The following ACSM3 variants were observed in gnomAD, a reference collection of about 807,000 sequenced individuals.
ACSM3 encodes the protein acyl-coenzyme A synthetase ACSM3, mitochondrial.
ACSM3 carries 61 observed loss-of-function variants against 74.1 expected under a neutral mutation model. The ratio of observed to expected loss-of-function variants is 0.82; its 90% confidence interval spans 0.67 to 1.02. The LOEUF (loss-of-function observed/expected upper bound fraction) is 1.02. ACSM3 is among the 50% of genes least tolerant of loss of function. The pLI is 0.00. For missense variants in ACSM3, 660 were observed against 697.0 expected (o/e 0.95, Z 0.60); for synonymous variants, 213 against 241.5 (o/e 0.88, Z 1.09).
chr16:20,789,418 C>T, intron 9 of ACSM3: 1 of 1,213,472 alleles, frequency 8.2e-7, no homozygotes, highest in South Asian at 1.2e-5. Context: ...TACTGGTAGA[C>T]ACTTCAGGGA....
intron 1 of ACSM3, chr16:20,690,983 G>A (rs377043225): frequency 4.2e-5 from 68 of 1,604,198 alleles, no homozygotes; most frequent in East Asian, 2.0e-4. Context: ...TCGCCATCAC[G>A]GCAGATCTCT....
intron 2 of ACSM3, among the ~76,000 whole-genome samples, chr16:20,770,716 G>A (rs1186229534): frequency 1.3e-5 from 2 of 152,198 alleles, no homozygotes; most frequent in South Asian, 4.1e-4. Context: ...CCAACGTCTA[G>A]AAATAAGGAC....
chr16:20,768,116 G>T (rs1339380125), intron 1 of ACSM3, among the ~76,000 whole-genome samples: 3 of 152,184 alleles, frequency 2.0e-5, no homozygotes, highest in Non-Finnish European at 2.9e-5. Context: ...CTAGTAGAGA[G>T]TAATATGCTT....
chr16:20,696,048 G>A (rs535732760), intron 1 of ACSM3, among the ~76,000 whole-genome samples: 9 of 151,970 alleles, frequency 5.9e-5, no homozygotes, highest in Non-Finnish European at 1.3e-4. Context: ...ACTTACCATC[G>A]TGTCATGACT....
At chr16:20,718,356 C>T (rs1219477611) in intron 1 of ACSM3, 9 of 940,108 alleles carry the variant, frequency 9.6e-6, no homozygotes, top group African/African-American at 1.7e-5. Context: ...GCAGATCCGC[C>T]TCTGAAGAGC....
chr16:20,702,293 A>C (rs567279836), intron 1 of ACSM3, among the ~76,000 whole-genome samples: 1 of 151,982 alleles, frequency 6.6e-6, no homozygotes, highest in East Asian at 1.9e-4. Context: ...ACTCACTGCA[A>C]CCTCCACCTC....
At chr16:20,741,478 C>CCGGGGGGGGGGGGG in intron 1 of ACSM3, 2 of 1,336,918 alleles carry the variant, frequency 1.5e-6, no homozygotes, top group Non-Finnish European at 1.9e-6. Context: ...GGCCTGGCAG[C>CCGGGGGGGGGGGGG]CGGCCCGCCC....
At chr16:20,784,118 T>C (rs2080416545) in intron 7 of ACSM3, among the ~76,000 whole-genome samples, 1 of 152,178 alleles carries the variant, frequency 6.6e-6, no homozygotes, top group South Asian at 2.1e-4. Flanking sequence ...TCCTTCTCTA[T>C]TATAAACATA....
intron 2 of ACSM3, among the ~76,000 whole-genome samples, chr16:20,771,857 T>C (rs1296468200): frequency 3.3e-5 from 5 of 152,218 alleles, no homozygotes; most frequent in Admixed American, 1.3e-4. Flanking sequence ...TCACCAATAG[T>C]GTTTCAGAGT....
chr16:20,726,390 T>G (rs2079806169), intron 1 of ACSM3, among the ~76,000 whole-genome samples: 1 of 152,222 alleles, frequency 6.6e-6, no homozygotes, highest in Non-Finnish European at 1.5e-5. Flanking sequence ...CAACAAAGTG[T>G]GGATGCCCAA....
intron 1 of ACSM3, among the ~76,000 whole-genome samples, chr16:20,715,099 G>C (rs2079756942): frequency 6.6e-6 from 1 of 152,154 alleles, no homozygotes; most frequent in Non-Finnish European, 1.5e-5. Context: ...ACTGGATTGA[G>C]AAGTATTTAA....
At chr16:20,733,037 C>T (rs570543991) in intron 1 of ACSM3, 3 of 153,378 alleles carry the variant, frequency 2.0e-5, no homozygotes, top group Middle Eastern at 2.1e-3. Context: ...ATTGCTTTCT[C>T]GATTTGTTCC....
intron 1 of ACSM3, chr16:20,736,558 G>A: frequency 4.1e-6 from 1 of 244,734 alleles, no homozygotes; most frequent in Middle Eastern, 1.4e-3. Context: ...ACTTCCCTCT[G>A]ATTTTCTACT....
At chr16:20,728,059 A>G (rs2152403620) in intron 1 of ACSM3, 1 of 214,188 alleles carries the variant, frequency 4.7e-6, no homozygotes, top group Non-Finnish European at 9.5e-6. Flanking sequence ...GGTGTGCTTA[A>G]ATACTGGGAA....
Position 20,797,265 on chromosome 16 carries a change from C to T in ACSM3, c.*293C>T. 9.4e-7 allele frequency: 1 copy of T among 1,067,662 alleles called. No homozygotes were observed. The highest frequency in any genetic ancestry group is 1.1e-6 in the Non-Finnish European group (1 of 886,656). 66.1% of individuals were successfully genotyped at this position (1,067,662 alleles called of 1,614,324 possible). A position where few individuals can be genotyped will look rare whatever the true frequency, so the allele number is the denominator to read the frequency against. On this transcript the variant is annotated 3_prime_UTR_variant, in exon 14 of 14. Transcript: ENST00000289416. Reference sequence around the variant, plus strand: ...AAGCAGTTTCTGAACCAGATCTCTGCTACATAGGTTTTCAAACTTTAGTTG... The same window carrying T: ...AAGCAGTTTCTGAACCAGATCTCTGTTACATAGGTTTTCAAACTTTAGTTG...
intron 9 of ACSM3, among the ~76,000 whole-genome samples, chr16:20,787,973 A>G (rs1447641514): frequency 6.6e-6 from 1 of 152,178 alleles, no homozygotes; most frequent in East Asian, 1.9e-4. Context: ...AACTGATTTC[A>G]TAGGTTTCTT....
At chr16:20,738,990 C>T (rs1342358067) in intron 1 of ACSM3, 1 of 1,614,086 alleles carries the variant, frequency 6.2e-7, no homozygotes, top group East Asian at 2.2e-5. Flanking sequence ...GCCTTAATGT[C>T]ACCAACTTCT....
chr16:20,790,602 G>A lies in ACSM3; in HGVS notation c.1240G>A (p.Gly414Ser). The A allele has an allele frequency of 6.2e-7, 1 of 1,613,856 alleles. No homozygotes were observed. Among genetic ancestry groups the A allele is most frequent in the Non-Finnish European group, 8.5e-7 (1 of 1,179,804 alleles). ...TTTATCCTAGATTGTAGATGTAAAT[G>A]GCAATGTTCTACCTCCTGGACAAGA... is the stretch of plus-strand genomic sequence containing the variant. ...AFDVKIVDVNGNVLPPGQEGD... is the reference protein window; with the variant it reads ...AFDVKIVDVNSNVLPPGQEGD... Residue 414 changes from glycine to serine, a missense_variant, in exon 10 of 14, where the codon GGC (glycine) becomes AGC (serine). Transcript: ENST00000289416. The surrounding 1 kb of genome is among the most constrained non-coding windows in gnomAD (Gnocchi z 4.0).
At chr16:20,759,014 T>G (rs2080054517), upstream of ACSM3, among the ~76,000 whole-genome samples, 2 of 152,180 alleles carry the variant, frequency 1.3e-5, no homozygotes. Context: ...ATAATTTCTG[T>G]TCTTTTACAT....
Sources: gnomAD v4.1 joint callset for allele counts (sites outside exome capture counted in the v4.1 genomes callset) on GRCh38, gnomAD v4.1.1 for gene constraint, Gnocchi (gnomAD v3.1) non-coding constraint, MANE v1.5 for transcripts, NCBI Gene and HGNC (gene_info 2026-07-23, HGNC 2026-07-21) for gene names.